The following FBXO46 variants were observed in gnomAD, a reference collection of about 807,000 sequenced individuals.
FBXO46 encodes F-box protein 46, also known as F-box only protein 46.
FBXO46 carries 13 observed loss-of-function variants against 30.7 expected under a neutral mutation model. The observed-to-expected ratio is 0.42, with a 90% CI of 0.28 to 0.67. FBXO46 has a LOEUF of 0.67. Among genes scored for constraint, FBXO46 ranks in the 30% least tolerant of loss-of-function variants. The pLI is 0.21. For synonymous variants in FBXO46, 467 were observed against 385.8 expected, an observed-to-expected ratio of 1.21 and a Z score of -2.47; for missense variants, 754 against 871.5, an observed-to-expected ratio of 0.87 and a Z score of 1.70.
Position 45,712,794 on chromosome 19 carries a change from A to C in FBXO46, c.702T>G (p.Phe234Leu), listed in dbSNP as rs1314167953. The C allele has an allele frequency of 1.2e-6, 2 of 1,611,776 alleles. No individual in the cohort carries two copies. Among genetic ancestry groups the C allele is most frequent in the Non-Finnish European group, 1.7e-6 (2 of 1,178,974 alleles). ...TGGGAGGGCTGTCCCTCTGCGCTTC[A>C]AAGTGGGCCACGGCCTCGGCTACAC... is the stretch of plus-strand genomic sequence containing the variant. ...CSRVAEAVAH[F>L]EAQRDSPPTK... The change falls in exon 2 of 2, where the codon TTT becomes TTG. Residue 234 changes from phenylalanine (F) to leucine (L), a missense_variant. Coordinates refer to ENST00000317683, the MANE Select transcript of FBXO46 (RefSeq NM_001080469.2). The surrounding 1 kb of genome is among the most constrained non-coding windows in gnomAD (Gnocchi z 8.8).
rs765435655 is a variant in FBXO46 at position 45,712,869 on chromosome 19, C to G, written c.627G>C (p.Pro209=). ...GCCGTTCAGATCCCACCCCCTTGGCCGGTCCACCTTGCTCGGCGGACACAA... is the reference window on the plus strand; with the variant it reads ...GCCGTTCAGATCCCACCCCCTTGGCGGGTCCACCTTGCTCGGCGGACACAA... ...VVFVSAEQGG[P]AKGVGSERRS... Residue 209 remains proline, a synonymous_variant, in exon 2 of 2, where the codon CCG becomes CCC. Transcript: ENST00000317683. This position sits in a 1 kb window ranked among gnomAD's most constrained non-coding sequence, Gnocchi z 8.8. 3.1e-6 allele frequency: 5 copies of G among 1,613,506 alleles called. No individual in the cohort carries two copies. The highest frequency in any genetic ancestry group is 4.2e-6 in the Non-Finnish European group (5 of 1,179,738).
In FBXO46 at chr19:45,711,592, G is replaced by A. The variant is rs531433615; in HGVS notation, c.*92C>T. 3 of 977,608 alleles carry A rather than the reference G, an allele frequency of 3.1e-6. No individual in the cohort carries two copies. Among genetic ancestry groups the A allele is most frequent in the South Asian group, 2.8e-5 (2 of 72,154 alleles). 60.6% of individuals were successfully genotyped at this position (977,608 alleles called of 1,614,324 possible). A position where few individuals can be genotyped will look rare whatever the true frequency, so the allele number is the denominator to read the frequency against. On this transcript the variant is annotated 3_prime_UTR_variant, in exon 2 of 2. Coordinates refer to ENST00000317683, the MANE Select transcript of FBXO46 (RefSeq NM_001080469.2). ...AGGGATCAATGCTGCCTGGAGTAGG[G>A]GAATGGGCAGGCGGCCCAGTCCGGA...
At chr19:45,719,550 A>G (rs1264433187) in intron 1 of FBXO46, among the ~76,000 whole-genome samples, 1 of 152,218 alleles carries the variant, frequency 6.6e-6, no homozygotes, top group African/African-American at 2.4e-5. Context: ...ATTTCTAAGA[A>G]AAGACTGCTT....
intron 1 of FBXO46, chr19:45,716,075 A>C (rs1968087384): frequency 1.3e-5 from 2 of 152,154 alleles, no homozygotes; most frequent in East Asian, 3.8e-4. Context: ...TCAAATCTGA[A>C]AATCCAAAAT....
Position 45,711,876 on chromosome 19 carries a change from G to A in FBXO46, c.1620C>T (p.Gly540=). The stretch of plus-strand genomic sequence containing the variant: ...GGTGCCAGCGGCAGAGCGACACGTC[G>A]CCCTTCTCGTATCTCTTGCGGCACT... The part of the protein sequence containing the change: ...CKQCRKRYEK[G]DVSLCRWHPK... The change falls in exon 2 of 2, where the codon GGC becomes GGT. Residue 540 remains glycine (G), a synonymous_variant. Transcript: ENST00000317683. 1.2e-6 allele frequency: 2 copies of A among 1,613,696 alleles called. No individual in the cohort carries two copies. The highest frequency in any genetic ancestry group is 1.6e-4 in the Middle Eastern group (1 of 6,062).
chr19:45,715,758 A>C (rs1968080315), intron 1 of FBXO46: 1 of 137,810 alleles, frequency 7.3e-6, no homozygotes, highest in Non-Finnish European at 1.5e-5. Flanking sequence ...GTGAACTGAG[A>C]TCTTGCCACT....
At chr19:45,728,477 C>T (rs1007684679) in intron 1 of FBXO46, among the ~76,000 whole-genome samples, 12 of 152,132 alleles carry the variant, frequency 7.9e-5, no homozygotes, top group African/African-American at 1.4e-4. Flanking sequence ...ATTATCTTCC[C>T]GAAACTTCTC....
rs761043222 is a variant in FBXO46, at chr19:45,711,639, G to C, written c.*45C>G. 27 of 1,428,774 alleles carry C rather than the reference G, an allele frequency of 1.9e-5. No individual in the cohort carries two copies. The highest frequency in any genetic ancestry group is 1.6e-4 in the Admixed American group (8 of 50,792). The allele number at this position is 1,428,774 out of a possible 1,614,324, so 88.5% of individuals were successfully genotyped here. A position where few individuals can be genotyped will look rare whatever the true frequency, so the allele number is the denominator to read the frequency against. On this transcript the variant is annotated 3_prime_UTR_variant, in exon 2 of 2. Transcript: ENST00000317683. ...CGGACCCTCGGCTCCCGGGGGGAGAGGGGAGGGGTGGGCGTGGTGGGCTCT... is the reference window on the plus strand; with the variant it reads ...CGGACCCTCGGCTCCCGGGGGGAGACGGGAGGGGTGGGCGTGGTGGGCTCT...
At chr19:45,726,283 C>G (rs936404268) in intron 1 of FBXO46, among the ~76,000 whole-genome samples, 1 of 151,984 alleles carries the variant, frequency 6.6e-6, no homozygotes, top group African/African-American at 2.4e-5. Flanking sequence ...GAAGTTGAGG[C>G]TGCAGTGAGC....
rs537024125 is a variant in FBXO46, at chr19:45,726,096, C to T, written c.-79+4753G>A. 8.5e-5 allele frequency among the ~76,000 whole-genome samples: 13 copies of T among 152,260 alleles called. No individual in the cohort carries two copies. The South Asian group carries it at 2.1e-3, about 24-fold the overall frequency. ...GTGGCTCATGCCTGTAATTTCAACA[C>T]TTTGGAAGGCCAAGACGGGCGGATC... On this transcript the variant is annotated intron_variant, in intron 1 of 1. Transcript: ENST00000317683.
upstream of FBXO46, among the ~76,000 whole-genome samples, chr19:45,731,745 C>G (rs894318780): frequency 3.3e-5 from 5 of 152,026 alleles, no homozygotes; most frequent in African/African-American, 1.2e-4. Flanking sequence ...CCCAGGAGTT[C>G]GAGGCAGTGA....
intron 1 of FBXO46, chr19:45,715,927 T>C (rs1022959378): frequency 4.0e-5 from 6 of 150,622 alleles, no homozygotes; most frequent in African/African-American, 1.5e-4. Flanking sequence ...CACTCCATAA[T>C]CCCCAATCCC....
upstream of FBXO46, among the ~76,000 whole-genome samples, chr19:45,731,856 G>A (rs1348908912): frequency 6.6e-6 from 1 of 151,396 alleles, no homozygotes. Flanking sequence ...GGTGGCTCAC[G>A]CCTGTAGTCA....
Position 45,712,726 on chromosome 19 carries a change from C to T in FBXO46, c.770G>A (p.Gly257Glu). The change falls in exon 2 of 2, where the codon GGG becomes GAG. Residue 257 changes from glycine to glutamate, a missense_variant. Gly to Glu is a moderately conservative substitution (Grantham distance 98). Coordinates refer to ENST00000317683, the MANE Select transcript of FBXO46 (RefSeq NM_001080469.2). This position sits in a 1 kb window ranked among gnomAD's most constrained non-coding sequence, Gnocchi z 8.8. ...RKEERPGPGP[G>E]EVRIAFRISN... ...GATGCGGAAGGCGATGCGCACCTCC[C>T]CAGGGCCTGGCCCGGGCCGCTCTTC... The T allele has an allele frequency of 1.9e-6, 3 of 1,612,230 alleles. No homozygotes were observed. In the South Asian group the frequency reaches 3.3e-5, roughly 18 times the overall value.
upstream of FBXO46, among the ~76,000 whole-genome samples, chr19:45,732,588 C>CTTTTTTT (rs750349502): frequency 3.5e-5 from 3 of 86,944 alleles, no homozygotes; most frequent in Non-Finnish European, 5.9e-5. Flanking sequence ...CTTTTTTTTC[C>CTTTTTTT]TTTTTTTTTT....
At chr19:45,732,665 C>T (rs1968339852), upstream of FBXO46, among the ~76,000 whole-genome samples, 1 of 129,610 alleles carries the variant, frequency 7.7e-6, no homozygotes, top group African/African-American at 2.9e-5. Context: ...GATACCAGCT[C>T]ATTCAACCTC....
At chr19:45,717,571 G>A (rs116307155) in intron 1 of FBXO46, among the ~76,000 whole-genome samples, 3,840 of 152,286 alleles carry the variant, frequency 0.025, 158 homozygotes, top group African/African-American at 0.087. Flanking sequence ...AGGGAGCGTG[G>A]AACAACTCCC....
At position 45,710,707 on chromosome 19, in the gene FBXO46, T is replaced by A. The variant is rs564792107; in HGVS notation, c.*977A>T. On this transcript the variant is annotated 3_prime_UTR_variant, in exon 2 of 2. Transcript: ENST00000317683. ...ACGCTAGAAGCTTCCAGAACCACGA[T>A]GGAAAGAAAAAAAAGAAAACAAAAA... The A allele has an allele frequency of 6.6e-6, 1 of 151,532 alleles. No individual in the cohort carries two copies. Among genetic ancestry groups the A allele is most frequent in the Admixed American group, 6.6e-5 (1 of 15,220 alleles). The allele number at this position is 151,532 out of a possible 1,614,324, so 9.4% of individuals were successfully genotyped here. A position where few individuals can be genotyped will look rare whatever the true frequency, so the allele number is the denominator to read the frequency against.
rs374630294 is a variant in FBXO46 at position 45,713,415 on chromosome 19, C to A, written c.81G>T (p.Pro27=). Reference sequence around the variant, plus strand: ...CTGATGGCTTGAGGGCCGCAGAAGGCGGGCGTGGCTGGTTCTGTGAGTAGG... The same window carrying A: ...CTGATGGCTTGAGGGCCGCAGAAGGAGGGCGTGGCTGGTTCTGTGAGTAGG... The part of the protein sequence containing the change: ...FGTYSQNQPR[P]PSAALKPSAC... The change falls in exon 2 of 2, where the codon CCG becomes CCT. Residue 27 remains proline (P), a synonymous_variant. Transcript: ENST00000317683. The surrounding 1 kb of genome is among the most constrained non-coding windows in gnomAD (Gnocchi z 4.7). 4 of 1,607,556 alleles carry A rather than the reference C, an allele frequency of 2.5e-6. No homozygotes were observed. The highest frequency in any genetic ancestry group is 1.3e-5 in the African/African-American group (1 of 74,808).
Sources: allele counts gnomAD v4.1 joint callset (sites outside exome capture counted in the v4.1 genomes callset), GRCh38; gene constraint gnomAD v4.1.1; non-coding constraint Gnocchi (gnomAD v3.1); transcripts MANE v1.5; gene names NCBI Gene and HGNC (gene_info 2026-07-23, HGNC 2026-07-21).